Variants in ZNF644 observed in about 807,000 individuals in gnomAD.
ZNF644 encodes zinc finger motif enhancer binding protein 2.
A neutral mutation model predicts 108.0 loss-of-function variants in ZNF644; 20 were observed. That is an observed-to-expected ratio of 0.19 (90% CI 0.13 to 0.27). The LOEUF (loss-of-function observed/expected upper bound fraction) is 0.27, where lower values mean the gene tolerates loss of function less well. Ranked by LOEUF, ZNF644 falls within the 10% of genes least tolerant of loss-of-function variation. The pLI is 1.00. For synonymous variants in ZNF644, 542 were observed against 539.1 expected, an observed-to-expected ratio of 1.01 and a Z score of -0.08; for missense variants, 1,338 against 1,548.9, an observed-to-expected ratio of 0.86 and a Z score of 2.29.
chr1:90,940,620 G>A lies in ZNF644; in HGVS notation c.734C>T (p.Ser245Phe). 1 of 1,613,870 alleles carries A rather than the reference G, an allele frequency of 6.2e-7. No homozygotes were observed. Among genetic ancestry groups the A allele is most frequent in the Non-Finnish European group, 8.5e-7 (1 of 1,179,940 alleles). The stretch of plus-strand genomic sequence containing the variant: ...TGACCTAAATCCATCTGTACCTGAG[G>A]AAATTCCCGTTACTGTATTGACACA... The part of the protein sequence containing the change: ...DDCVNTVTGI[S>F]SGTDGFRSEN... The change falls in exon 3 of 6, where the codon TCC becomes TTC. Residue 245 changes from serine (S) to phenylalanine (F), a missense_variant. Physicochemically the swap from Ser to Phe is radical, Grantham distance 155. This residue lies in a region of ZNF644 where 464 missense variants were observed against 457.9 expected (regional missense o/e 1.01). Transcript: ENST00000337393.
chr1:90,940,808 T>C lies in ZNF644; in HGVS notation c.546A>G (p.Ala182=). 5.6e-6 allele frequency: 9 copies of C among 1,613,984 alleles called. No individual in the cohort carries two copies. The highest frequency in any genetic ancestry group is 2.2e-5 in the East Asian group (1 of 44,878). The change falls in exon 3 of 6, where the codon GCA becomes GCG. Residue 182 remains alanine (A), a synonymous_variant. Transcript: ENST00000337393. ...HQVLFLLSDV[A]HAKNPTHSNK... ...TGGAATGGGTGGGATTCTTAGCATGTGCTACATCTGATAACAAAAATAAAA... is the reference window on the plus strand; with the variant it reads ...TGGAATGGGTGGGATTCTTAGCATGCGCTACATCTGATAACAAAAATAAAA...
intron 2 of ZNF644, among the ~76,000 whole-genome samples, chr1:90,972,100 G>A (rs926260863): frequency 1.3e-5 from 2 of 152,046 alleles, no homozygotes; most frequent in South Asian, 2.1e-4. Flanking sequence ...CAGTGTGGGC[G>A]ACACAATGAG....
intron 1 of ZNF644, among the ~76,000 whole-genome samples, chr1:91,016,809 T>C (rs1278890521): frequency 6.6e-6 from 1 of 152,252 alleles, no homozygotes; most frequent in Admixed American, 6.5e-5. Context: ...GCTCAAAATA[T>C]ACTTACGTTT....
chr1:90,916,970 C>G lies in ZNF644; in HGVS notation c.3812G>C (p.Arg1271Pro), dbSNP rs745561589. 6.2e-7 allele frequency: 1 copy of G among 1,614,006 alleles called. No homozygotes were observed. Among genetic ancestry groups the G allele is most frequent in the African/African-American group, 1.3e-5 (1 of 74,906 alleles). ...GTCTTCCTGAACAGACAAGGGTCCT[C>G]GAAAGACTAGGCCACAAAACCTACA... ...LRCRFCGLVF[R>P]GPLSVQEDWI... is the part of the protein sequence containing the mutation. Residue 1271 changes from arginine to proline, a missense_variant, in exon 6 of 6, where the codon CGA (arginine) becomes CCA (proline). Physicochemically the swap from Arg to Pro is moderately radical, Grantham distance 103. Around this residue, in one of 6 missense-constraint regions of ZNF644, gnomAD observed 34 missense variants for 78.6 expected, o/e 0.43. Coordinates refer to ENST00000337393, the MANE Select transcript of ZNF644 (RefSeq NM_201269.3).
chr1:90,971,102 T>A (rs1655419757), intron 2 of ZNF644, among the ~76,000 whole-genome samples: 1 of 151,336 alleles, frequency 6.6e-6, no homozygotes, highest in Admixed American at 6.6e-5. Flanking sequence ...CCTTCATTTA[T>A]CCAGGTAGAA....
At chr1:90,971,440 G>A (rs1213931335) in intron 2 of ZNF644, among the ~76,000 whole-genome samples, 1 of 151,392 alleles carries the variant, frequency 6.6e-6, no homozygotes, top group Non-Finnish European at 1.5e-5. Flanking sequence ...TTTGGTGGGG[G>A]GACAGAGTCT....
intron 1 of ZNF644, among the ~76,000 whole-genome samples, chr1:90,993,770 CCATT>C (rs1483631826): frequency 6.6e-6 from 1 of 152,140 alleles, no homozygotes. Context: ...AGTAATGTCA[CCATT>C]CAATTATAAT....
rs577656832 is a variant in ZNF644 at position 90,985,982 on chromosome 1, A to G, written c.-17-3612T>C. Among the ~76,000 whole-genome samples, 5 of 152,302 alleles carry G rather than the reference A, an allele frequency of 3.3e-5. No individual in the cohort carries two copies. In the South Asian group the frequency reaches 1.0e-3, roughly 32 times the overall value. Reference sequence around the variant, plus strand: ...ATTTGTTATCTTTTGTCTTTTTGATAATAGCAAATAAATTTTTTTAAAAAA... The same window carrying G: ...ATTTGTTATCTTTTGTCTTTTTGATGATAGCAAATAAATTTTTTTAAAAAA... On this transcript the variant is annotated intron_variant, in intron 1 of 5. Transcript: ENST00000337393.
intron 4 of ZNF644, chr1:90,935,364 G>C (rs1651206413): frequency 2.0e-6 from 2 of 985,616 alleles, no homozygotes; most frequent in Admixed American, 1.2e-4. Flanking sequence ...AAAAAAAAGT[G>C]TATTGTATCA....
In ZNF644 at chr1:90,994,754, G is replaced by A. The variant is rs116845238; in HGVS notation, c.-17-12384C>T. ...AACAGCTGGAAATTAGTAAAATTCC[G>A]AGAAGCAAGAAAACCACAGGGCAAA... On this transcript the variant is annotated intron_variant, in intron 1 of 5. Transcript: ENST00000337393. 1.5e-4 allele frequency among the ~76,000 whole-genome samples: 23 copies of A among 152,244 alleles called. No homozygotes were observed. In the East Asian group the frequency reaches 4.2e-3, roughly 28 times the overall value.
At chr1:90,983,606 C>G (rs1438680816) in intron 1 of ZNF644, among the ~76,000 whole-genome samples, 1 of 151,400 alleles carries the variant, frequency 6.6e-6, no homozygotes, top group Non-Finnish European at 1.5e-5. Context: ...CTTATAAGAA[C>G]GAGACACACA....
intron 2 of ZNF644, among the ~76,000 whole-genome samples, chr1:90,943,391 A>G (rs1161946607): frequency 2.0e-5 from 3 of 152,232 alleles, no homozygotes; most frequent in Non-Finnish European, 4.4e-5. Flanking sequence ...CAGTGAGCCA[A>G]GATTGCGCCA....
intron 1 of ZNF644, among the ~76,000 whole-genome samples, chr1:91,009,574 T>G (rs1659749832): frequency 6.6e-6 from 1 of 152,200 alleles, no homozygotes; most frequent in Admixed American, 6.5e-5. Context: ...TAATTTTTAT[T>G]ATTTCCTGTT....
Position 90,937,935 on chromosome 1 carries a change from T to A in ZNF644, c.3238A>T (p.Asn1080Tyr). ...TTTTCTTCATTTTGCATCATCTCAT[T>A]CAGAACACAGATTGGAGATTTGTGA... ...DAHKSPICVL[N>Y]EMMQNEEKYE... The change falls in exon 4 of 6, where the codon AAT becomes TAT. Residue 1080 changes from asparagine (N) to tyrosine (Y), a missense_variant. Asn to Tyr is a moderately radical substitution (Grantham distance 143). Coordinates refer to ENST00000337393, the MANE Select transcript of ZNF644 (RefSeq NM_201269.3). 6.2e-7 allele frequency: 1 copy of A among 1,613,648 alleles called. No homozygotes were observed. Among genetic ancestry groups the A allele is most frequent in the Non-Finnish European group, 8.5e-7 (1 of 1,179,890 alleles).
chr1:91,021,840 C>T (rs1374973818), intron 1 of ZNF644, 150 bp downstream of exon 1: 3 of 397,000 alleles, frequency 7.6e-6, no homozygotes, highest in Non-Finnish European at 1.3e-5. Flanking sequence ...GGCTGGGACC[C>T]AGCCTAGGGC....
chr1:90,937,830 C>G lies in ZNF644; in HGVS notation c.3343G>C (p.Asp1115His), dbSNP rs755081961. The stretch of plus-strand genomic sequence containing the variant: ...ATAACATTTTGAGATATAAAGTCAT[C>G]ACTTGATGCAAGTTTTTGAGCTACA... ...PFVAQKLASS[D>H]DFISQNVIPL... Residue 1115 changes from aspartate to histidine, a missense_variant, in exon 4 of 6, where the codon GAT becomes CAT. Coordinates refer to ENST00000337393, the MANE Select transcript of ZNF644 (RefSeq NM_201269.3). 6.2e-7 allele frequency: 1 copy of G among 1,613,746 alleles called. No homozygotes were observed. Among genetic ancestry groups the G allele is most frequent in the Non-Finnish European group, 8.5e-7 (1 of 1,179,882 alleles).
chr1:90,915,393 T>C lies in ZNF644; in HGVS notation c.*1405A>G, dbSNP rs1333461924. The C allele has an allele frequency of 1.3e-5, 2 of 152,608 alleles. No individual in the cohort carries two copies. The highest frequency in any genetic ancestry group is 4.8e-5 in the African/African-American group (2 of 41,464). 9.5% of individuals were successfully genotyped at this position (152,608 alleles called of 1,614,324 possible). ...TTTCACTGGCAGTGAGGTATGTATA[T>C]ACTCTACCAAAATACTCCTTATTTT... is the stretch of plus-strand genomic sequence containing the variant. On this transcript the variant is annotated 3_prime_UTR_variant, in exon 6 of 6. Transcript: ENST00000337393.
chr1:90,946,169 C>T (rs1167487103), intron 2 of ZNF644, among the ~76,000 whole-genome samples: 1 of 151,980 alleles, frequency 6.6e-6, no homozygotes, highest in African/African-American at 2.4e-5. Context: ...GGCATTTAAA[C>T]CTATATATAC....
rs554373799 is a variant in ZNF644 at position 90,972,806 on chromosome 1, T to C, written c.44+9504A>G. The C allele has an allele frequency of 5.3e-5, 8 of 152,264 alleles. No individual in the cohort carries two copies. In the East Asian group the frequency reaches 1.5e-3, roughly 29 times the overall value. 9.4% of individuals were successfully genotyped at this position (152,264 alleles called of 1,614,324 possible). A position where few individuals can be genotyped will look rare whatever the true frequency, so the allele number is the denominator to read the frequency against. ...TAAAATGGGAGGAAATTCTGCAAAA[T>C]GCTGTAACATGAATGAACCGTGAAA... On this transcript the variant is annotated intron_variant, in intron 2 of 5. Transcript: ENST00000337393.
Sources: gnomAD v4.1 joint callset for allele counts (sites outside exome capture counted in the v4.1 genomes callset) on GRCh38, gnomAD v4.1.1 for gene constraint, gnomAD v4.1.1 regional missense constraint, MANE v1.5 for transcripts, NCBI Gene and HGNC (gene_info 2026-07-23, HGNC 2026-07-21) for gene names.